The following STK32B variants were observed in gnomAD, a reference collection of about 807,000 sequenced individuals.
The protein encoded by STK32B is serine/threonine kinase 32B.
A neutral mutation model predicts 52.6 loss-of-function variants in STK32B; 43 were observed. The ratio of observed to expected loss-of-function variants is 0.82; its 90% CI spans 0.64 to 1.05. STK32B has a LOEUF of 1.05. Ranked by LOEUF, STK32B falls within the 50% of genes least tolerant of loss-of-function variation. STK32B has a pLI of 0.00. For synonymous variants in STK32B, 238 were observed against 204.3 expected, an observed-to-expected ratio of 1.17 and a Z score of -1.41; for missense variants, 621 against 534.6, an observed-to-expected ratio of 1.16 and a Z score of -1.59.
chr4:5,065,083 C>G (rs1560133581), intron 1 of STK32B, among the ~76,000 whole-genome samples: 1 of 151,932 alleles, frequency 6.6e-6, no homozygotes, highest in Non-Finnish European at 1.5e-5. Flanking sequence ...GGACCTCTTA[C>G]TTAGCTTTTT....
chr4:5,439,797 G>C (rs1454289679), intron 6 of STK32B, among the ~76,000 whole-genome samples: 1 of 151,872 alleles, frequency 6.6e-6, no homozygotes, highest in Non-Finnish European at 1.5e-5. Context: ...GTAAGGAAGG[G>C]ATCCAGTTTC....
intron 4 of STK32B, among the ~76,000 whole-genome samples, chr4:5,334,682 C>A (rs201969521): frequency 0.37 from 43,971 of 119,596 alleles, 10,704 homozygotes; most frequent in African/African-American, 0.71. Flanking sequence ...AGTTTTTAGC[C>A]TGAAGGGTTG....
In STK32B at chr4:5,499,086, C is replaced by G; in HGVS notation, c.*3C>G. Reference sequence around the variant, plus strand: ...GCACCCGTGGCTGCAGCAGCTGAGCCCACACTTGTTGCTGCTCAACAGGAC... The same window carrying G: ...GCACCCGTGGCTGCAGCAGCTGAGCGCACACTTGTTGCTGCTCAACAGGAC... On this transcript the variant is annotated 3_prime_UTR_variant, in exon 12 of 12. Coordinates refer to ENST00000282908, the MANE Select transcript of STK32B (RefSeq NM_018401.3). The G allele has an allele frequency of 6.2e-7, 1 of 1,607,304 alleles. No homozygotes were observed. Among genetic ancestry groups the G allele is most frequent in the Non-Finnish European group, 8.5e-7 (1 of 1,176,234 alleles).
chr4:5,486,751 C>G (rs186035046), intron 11 of STK32B, among the ~76,000 whole-genome samples: 1 of 152,342 alleles, frequency 6.6e-6, no homozygotes, highest in Non-Finnish European at 1.5e-5. Flanking sequence ...GCTCCACCCC[C>G]CTAAAATGTT....
intron 8 of STK32B, among the ~76,000 whole-genome samples, chr4:5,459,511 A>C (rs543383254): frequency 6.6e-6 from 1 of 152,164 alleles, no homozygotes; most frequent in Admixed American, 6.5e-5. Context: ...TCAGTAGATA[A>C]GCTACAGGGT....
At chr4:5,498,731 G>A (rs1057197654) in intron 11 of STK32B, among the ~76,000 whole-genome samples, 4 of 152,220 alleles carry the variant, frequency 2.6e-5, no homozygotes, top group African/African-American at 9.6e-5. Flanking sequence ...TATGCATTAA[G>A]TAACTCACCC....
At chr4:5,175,799 T>G (rs552558123) in intron 3 of STK32B, among the ~76,000 whole-genome samples, 1 of 152,222 alleles carries the variant, frequency 6.6e-6, no homozygotes, top group African/African-American at 2.4e-5. Context: ...TCCAGCTGCA[T>G]GCTGGGAGAA....
At chr4:5,458,151 C>T (rs1716726080) in intron 8 of STK32B, among the ~76,000 whole-genome samples, 1 of 152,144 alleles carries the variant, frequency 6.6e-6, no homozygotes, top group Non-Finnish European at 1.5e-5. Context: ...GGGGTGGGCC[C>T]CACTGTCTGT....
At chr4:5,439,038 T>C (rs1417354726) in intron 6 of STK32B, among the ~76,000 whole-genome samples, 2 of 151,278 alleles carry the variant, frequency 1.3e-5, no homozygotes, top group Non-Finnish European at 2.9e-5. Context: ...GTCTTTGCTA[T>C]TGTGAATAAT....
At chr4:5,244,221 G>T (rs1348221606) in intron 3 of STK32B, among the ~76,000 whole-genome samples, 1 of 152,024 alleles carries the variant, frequency 6.6e-6, no homozygotes, top group Middle Eastern at 3.2e-3. Context: ...GACTTTTTTT[G>T]GTTGGTAAGC....
At chr4:5,062,968 A>C (rs1376554740) in intron 1 of STK32B, among the ~76,000 whole-genome samples, 1 of 152,140 alleles carries the variant, frequency 6.6e-6, no homozygotes, top group African/African-American at 2.4e-5. Flanking sequence ...CAGTTACTAT[A>C]GTGTAACTCA....
At position 5,168,308 on chromosome 4, in the gene STK32B, G is replaced by A. The variant is rs545537211; in HGVS notation, c.118G>A (p.Val40Met). ...TTTGGCTGTCGCTCAGGTATGCATC[G>A]TGCAGAAGCGAGACACTAAGAAAAT... ...GKGSFGKVCI[V>M]QKRDTKKMYA... The change falls in exon 3 of 12, where the codon GTG becomes ATG. Residue 40 changes from valine to methionine, a missense_variant. By Grantham distance (21) the Val-to-Met change is conservative. Transcript: ENST00000282908. The A allele has an allele frequency of 1.1e-5, 18 of 1,613,680 alleles. No homozygotes were observed. Among genetic ancestry groups the A allele is most frequent in the South Asian group, 3.3e-5 (3 of 91,014 alleles).
rs200072965 is a variant in STK32B at position 5,460,113 on chromosome 4, A to G, written c.794A>G (p.Lys265Arg). The G allele has an allele frequency of 1.2e-5, 19 of 1,614,196 alleles. No homozygotes were observed. The East Asian group carries it at 4.0e-4, about 34-fold the overall frequency. Residue 265 changes from lysine to arginine, a missense_variant, in exon 9 of 12, where the codon AAG becomes AGG. Lys to Arg is a conservative substitution (Grantham distance 26). Transcript: ENST00000282908. The surrounding 1 kb of genome is among the most constrained non-coding windows in gnomAD (Gnocchi z 4.8). ...GCCCTCTAACTGCAGCTCCTGACCA[A>G]GGATCCTGAGAGCCGCGTGTCCAGC... The part of the protein sequence containing the change: ...MVALLRKLLT[K>R]DPESRVSSLH...
intron 5 of STK32B, among the ~76,000 whole-genome samples, chr4:5,408,789 T>G (rs1426635508): frequency 1.3e-5 from 2 of 152,124 alleles, no homozygotes; most frequent in African/African-American, 4.8e-5. Context: ...GAGCCCCATA[T>G]GATGGAATGA....
rs1279336085 is a variant in STK32B at position 5,400,103 on chromosome 4, A to G, written c.472+1859A>G. Among the ~76,000 whole-genome samples, 3 of 152,176 alleles carry G rather than the reference A, an allele frequency of 2.0e-5. No individual in the cohort carries two copies. Among genetic ancestry groups the G allele is most frequent in the African/African-American group, 7.2e-5 (3 of 41,410 alleles). ...TAGCAATAAGCTAGCCATTGCACTGATGAGGAAAAGTGACACAGAGAGTAT... is the reference window on the plus strand; with the variant it reads ...TAGCAATAAGCTAGCCATTGCACTGGTGAGGAAAAGTGACACAGAGAGTAT... On this transcript the variant is annotated intron_variant, in intron 5 of 11. Transcript: ENST00000282908. The surrounding 1 kb of genome is among the most constrained non-coding windows in gnomAD (Gnocchi z 6.1).
intron 3 of STK32B, among the ~76,000 whole-genome samples, chr4:5,187,928 T>C (rs1180859894): frequency 6.6e-6 from 1 of 152,170 alleles, no homozygotes; most frequent in Non-Finnish European, 1.5e-5. Flanking sequence ...GTGGTTATTA[T>C]ACTCAACAAT....
chr4:5,108,665 A>T lies in STK32B; in HGVS notation c.53-31240A>T, dbSNP rs536515711. Among the ~76,000 whole-genome samples the T allele has an allele frequency of 1.6e-3, 251 of 152,170 alleles. 4 individuals are homozygous for T. Among genetic ancestry groups the T allele is most frequent in the Non-Finnish European group, 4.7e-4 (32 of 67,982 alleles). On this transcript the variant is annotated intron_variant, in intron 1 of 11. Coordinates refer to ENST00000282908, the MANE Select transcript of STK32B (RefSeq NM_018401.3). ...TAGAGGACTATTCATATTTTCTACAATTTTTTTTGTTAAGTGGTCCAGTGA... is the reference window on the plus strand; with the variant it reads ...TAGAGGACTATTCATATTTTCTACATTTTTTTTTGTTAAGTGGTCCAGTGA...
intron 6 of STK32B, among the ~76,000 whole-genome samples, chr4:5,442,572 T>A (rs1714895907): frequency 6.6e-6 from 1 of 151,326 alleles, no homozygotes; most frequent in African/African-American, 2.4e-5. Context: ...TGCCAGTCTG[T>A]GTCTTTTAAT....
chr4:5,245,301 C>T lies in STK32B; in HGVS notation c.260+76851C>T, dbSNP rs183526376. Among the ~76,000 whole-genome samples, 204 of 152,220 alleles carry T rather than the reference C, an allele frequency of 1.3e-3. 2 individuals carry two copies. Among genetic ancestry groups the T allele is most frequent in the African/African-American group, 4.6e-3 (189 of 41,530 alleles). The stretch of plus-strand genomic sequence containing the variant: ...TATATATTTAGGATAGTTAGTTCTT[C>T]GTGTTGAATTGATCCCTTTACCATT... On this transcript the variant is annotated intron_variant, in intron 3 of 11. Coordinates refer to ENST00000282908, the MANE Select transcript of STK32B (RefSeq NM_018401.3).
Sources: allele counts gnomAD v4.1 joint callset (sites outside exome capture counted in the v4.1 genomes callset), GRCh38; gene constraint gnomAD v4.1.1; non-coding constraint Gnocchi (gnomAD v3.1); transcripts MANE v1.5; gene names NCBI Gene and HGNC (gene_info 2026-07-23, HGNC 2026-07-21).